Variants in CAMTA1 observed in about 807,000 individuals in gnomAD.
CAMTA1 encodes the protein calmodulin-binding transcription activator 1.
Under a neutral mutation model 170.9 loss-of-function variants are expected in CAMTA1, and 27 were observed. The ratio of observed to expected loss-of-function variants is 0.16; its 90% CI spans 0.12 to 0.22. The LOEUF (loss-of-function observed/expected upper bound fraction) is 0.22. Among genes scored for constraint, CAMTA1 ranks in the 10% least tolerant of loss-of-function variants. The pLI, the probability that CAMTA1 is intolerant of heterozygous loss-of-function variation, is 1.00. For missense variants in CAMTA1, 1,619 were observed against 2,217.2 expected (o/e 0.73, Z 5.42); for synonymous variants, 833 against 891.5 (o/e 0.93, Z 1.17).
chr1:7,721,633 G>A (rs2096650438), intron 11 of CAMTA1, among the ~76,000 whole-genome samples: 1 of 152,114 alleles, frequency 6.6e-6, no homozygotes, highest in East Asian at 1.9e-4. Flanking sequence ...ACGTAGCCTG[G>A]GATGGTTGGT....
intron 3 of CAMTA1, among the ~76,000 whole-genome samples, chr1:6,920,156 T>TA (rs1681692888): frequency 6.6e-6 from 1 of 152,160 alleles, no homozygotes; most frequent in South Asian, 2.1e-4. Context: ...GCAAGTTAGT[T>TA]ACTTCCTAGA....
chr1:7,155,772 C>T (rs1288904705), intron 4 of CAMTA1, among the ~76,000 whole-genome samples: 2 of 152,136 alleles, frequency 1.3e-5, no homozygotes, highest in East Asian at 3.9e-4. Context: ...TGTTAGAAGT[C>T]CCCTTCTCTA....
At chr1:6,926,448 C>CTT (rs762255597) in intron 3 of CAMTA1, among the ~76,000 whole-genome samples, 1 of 71,130 alleles carries the variant, frequency 1.4e-5, no homozygotes, top group Non-Finnish European at 3.0e-5. Context: ...CTCTTTCTTT[C>CTT]TTTCTTTCTT....
intron 4 of CAMTA1, among the ~76,000 whole-genome samples, chr1:7,131,525 T>TTC (rs1282230149): frequency 6.7e-6 from 1 of 149,708 alleles, no homozygotes; most frequent in African/African-American, 2.5e-5. Context: ...GTCTTTTCTT[T>TTC]TTTTTTTTTT....
intron 6 of CAMTA1, among the ~76,000 whole-genome samples, chr1:7,567,604 G>A (rs1019031813): frequency 6.6e-6 from 1 of 152,320 alleles, no homozygotes; most frequent in African/African-American, 2.4e-5. Context: ...TGTTTGCACT[G>A]GTGGGTCCCA....
At chr1:6,955,147 G>C (rs1441762785) in intron 3 of CAMTA1, among the ~76,000 whole-genome samples, 5 of 151,634 alleles carry the variant, frequency 3.3e-5, no homozygotes, top group Non-Finnish European at 7.4e-5. Context: ...ATCATGGCCA[G>C]TGGCTTTGGA....
chr1:7,437,384 T>TA (rs1031915919), intron 5 of CAMTA1, among the ~76,000 whole-genome samples: 1 of 152,190 alleles, frequency 6.6e-6, no homozygotes, highest in Non-Finnish European at 1.5e-5. Context: ...TCTTGCCTTC[T>TA]AATGCTTTGC....
chr1:6,894,819 A>G (rs927215177), intron 3 of CAMTA1, among the ~76,000 whole-genome samples: 10 of 152,262 alleles, frequency 6.6e-5, no homozygotes, highest in Admixed American at 2.6e-4. Context: ...TTGCATTTAC[A>G]TAATTACTGC....
At chr1:7,612,489 G>T (rs1214257998) in intron 6 of CAMTA1, among the ~76,000 whole-genome samples, 2 of 152,188 alleles carry the variant, frequency 1.3e-5, no homozygotes, top group South Asian at 2.1e-4. Context: ...GGAGGGCACG[G>T]TGGGCTAAAA....
At chr1:6,984,086 A>ACGGGTGAGTGGATAGGTGGATAGAGGGT in intron 3 of CAMTA1, among the ~76,000 whole-genome samples, 1 of 149,760 alleles carries the variant, frequency 6.7e-6, no homozygotes, top group Non-Finnish European at 1.5e-5. Flanking sequence ...GGATAGATGG[A>ACGGGTGAGTGGATAGGTGGATAGAGGGT]TGGGTGGGTG....
At chr1:6,967,798 G>C (rs754193243) in intron 3 of CAMTA1, among the ~76,000 whole-genome samples, 6 of 152,190 alleles carry the variant, frequency 3.9e-5, no homozygotes, top group Non-Finnish European at 7.3e-5. Flanking sequence ...CTTCTGCCTG[G>C]CTCAGATTTA....
chr1:6,984,750 T>C (rs1352157254), intron 3 of CAMTA1, among the ~76,000 whole-genome samples: 1 of 152,212 alleles, frequency 6.6e-6, no homozygotes, highest in Admixed American at 6.5e-5. Flanking sequence ...GCATCGTCTT[T>C]CCTCAGCTGC....
chr1:6,803,081 G>C (rs2148231545), intron 1 of CAMTA1, among the ~76,000 whole-genome samples: 1 of 152,310 alleles, frequency 6.6e-6, no homozygotes, highest in African/African-American at 2.4e-5. Context: ...TGGAGAAGCA[G>C]AACACCTTGG....
rs1285822586 is a variant in CAMTA1, at chr1:7,144,059, G to A, written c.302+52688G>A. On this transcript the variant is annotated intron_variant, in intron 4 of 22. Coordinates refer to ENST00000303635, the MANE Select transcript of CAMTA1 (RefSeq NM_015215.4). This position sits in a 1 kb window ranked among gnomAD's most constrained non-coding sequence, Gnocchi z 4.0. ...TTTAATTGCATCTGTCTTAAGTCAG[G>A]CTGCCGTAACAAAATACCACAGACT... Among the ~76,000 whole-genome samples, 4 of 152,120 alleles carry A rather than the reference G, an allele frequency of 2.6e-5. No homozygotes were observed. The highest frequency in any genetic ancestry group is 9.7e-5 in the African/African-American group (4 of 41,420).
At chr1:6,988,552 C>T (rs1009597744) in intron 3 of CAMTA1, among the ~76,000 whole-genome samples, 1 of 152,138 alleles carries the variant, frequency 6.6e-6, no homozygotes, top group African/African-American at 2.4e-5. Context: ...TGTAATTACC[C>T]TGGAAAGAAC....
chr1:6,916,581 T>G (rs1405492533), intron 3 of CAMTA1, among the ~76,000 whole-genome samples: 1 of 152,242 alleles, frequency 6.6e-6, no homozygotes, highest in Admixed American at 6.5e-5. Context: ...AGGTTCCATG[T>G]GCTTTTATAT....
intron 3 of CAMTA1, among the ~76,000 whole-genome samples, chr1:6,860,904 T>C (rs1046404827): frequency 1.1e-4 from 16 of 149,226 alleles, no homozygotes; most frequent in Admixed American, 1.1e-3. Flanking sequence ...AGAGTGAGAC[T>C]CCATCTCAAA....
chr1:6,919,629 C>T (rs561788212), intron 3 of CAMTA1, among the ~76,000 whole-genome samples: 1 of 152,140 alleles, frequency 6.6e-6, no homozygotes, highest in Non-Finnish European at 1.5e-5. Context: ...AGTCTGTTTT[C>T]ACACTGCTGA....
intron 5 of CAMTA1, among the ~76,000 whole-genome samples, chr1:7,287,840 G>A (rs1672567983): frequency 6.6e-6 from 1 of 152,162 alleles, no homozygotes; most frequent in Non-Finnish European, 1.5e-5. Flanking sequence ...TCATCCCTGA[G>A]GACAGGGAAG....
Sources: allele counts gnomAD v4.1 joint callset (sites outside exome capture counted in the v4.1 genomes callset), GRCh38; gene constraint gnomAD v4.1.1; non-coding constraint Gnocchi (gnomAD v3.1); transcripts MANE v1.5; gene names NCBI Gene and HGNC (gene_info 2026-07-23, HGNC 2026-07-21).